STAU2: variants seen among roughly 807,000 people sequenced by gnomAD.
STAU2 encodes double-stranded RNA-binding protein Staufen homolog 2.
STAU2 carries 20 observed loss-of-function variants against 65.9 expected under a neutral mutation model. That is an observed-to-expected ratio of 0.30 (90% CI 0.21 to 0.44). The LOEUF (loss-of-function observed/expected upper bound fraction) is 0.44, where lower values mean the gene tolerates loss of function less well. Among genes scored for constraint, STAU2 ranks in the 20% least tolerant of loss-of-function variants. The pLI is 1.00. For missense variants in STAU2, 558 were observed against 683.9 expected (o/e 0.82, Z 2.05); for synonymous variants, 232 against 233.9 (o/e 0.99, Z 0.07).
intron 4 of STAU2, among the ~76,000 whole-genome samples, chr8:73,702,641 A>G (rs1820195615): frequency 2.6e-5 from 4 of 152,200 alleles, no homozygotes; most frequent in Non-Finnish European, 4.4e-5. Flanking sequence ...CATCAAGAAG[A>G]TAAAACAATT....
At chr8:73,741,523 T>C (rs1258610371) in intron 1 of STAU2, among the ~76,000 whole-genome samples, 6 of 151,650 alleles carry the variant, frequency 4.0e-5, no homozygotes, top group Non-Finnish European at 8.8e-5. Context: ...TTTTTTTTCT[T>C]TTTTTTTGAG....
At chr8:73,654,663 A>AAAAAAAAAAAAAAAAAAAC (rs1280392351) in intron 6 of STAU2, among the ~76,000 whole-genome samples, 1 of 135,562 alleles carries the variant, frequency 7.4e-6, no homozygotes, top group African/African-American at 2.6e-5. Context: ...AAAAAAAAAG[A>AAAAAAAAAAAAAAAAAAAC]ACTCTTTTAA....
chr8:73,714,276 A>G (rs1821097358), intron 3 of STAU2, among the ~76,000 whole-genome samples: 1 of 152,152 alleles, frequency 6.6e-6, no homozygotes, highest in South Asian at 2.1e-4. Context: ...ACTCATCCTA[A>G]TTCCCAAGTA....
chr8:73,624,046 A>T (rs1045338997), intron 6 of STAU2, among the ~76,000 whole-genome samples: 9 of 152,188 alleles, frequency 5.9e-5, no homozygotes, highest in Non-Finnish European at 1.2e-4. Context: ...ACTAAAAGCT[A>T]GGATAGGGTG....
At chr8:73,538,645 G>GT (rs1207568399) in intron 13 of STAU2, among the ~76,000 whole-genome samples, 1 of 59,030 alleles carries the variant, frequency 1.7e-5, no homozygotes, top group African/African-American at 3.8e-5. Context: ...AAAAAGAAGA[G>GT]TAAAAGCTTT....
chr8:73,486,937 G>A (rs1483277915), intron 13 of STAU2, among the ~76,000 whole-genome samples: 1 of 152,042 alleles, frequency 6.6e-6, no homozygotes, highest in Non-Finnish European at 1.5e-5. Context: ...ACAGGCACAA[G>A]CCACTGTGCC....
At chr8:73,549,539 T>C (rs953391646) in intron 13 of STAU2, 29 of 766,614 alleles carry the variant, frequency 3.8e-5, no homozygotes, top group African/African-American at 2.1e-4. Context: ...AAGTAGCTTT[T>C]TGTAATTTAT....
At chr8:73,525,495 T>C (rs538344947) in intron 13 of STAU2, among the ~76,000 whole-genome samples, 1 of 152,294 alleles carries the variant, frequency 6.6e-6, no homozygotes, top group South Asian at 2.1e-4. Flanking sequence ...TTGAGTACCT[T>C]GGCATAGGAA....
intron 6 of STAU2, among the ~76,000 whole-genome samples, chr8:73,623,205 A>G (rs1030752877): frequency 1.3e-5 from 2 of 152,158 alleles, no homozygotes; most frequent in African/African-American, 4.8e-5. Flanking sequence ...CAACCTCCCT[A>G]AAGTTACTTC....
chr8:73,426,482 A>G (rs1816833545), intron 13 of STAU2, among the ~76,000 whole-genome samples: 1 of 151,684 alleles, frequency 6.6e-6, no homozygotes, highest in Non-Finnish European at 1.5e-5. Flanking sequence ...ACCCTTCCCA[A>G]CCTCTAATAT....
intron 3 of STAU2, among the ~76,000 whole-genome samples, chr8:73,725,760 C>T (rs767886213): frequency 6.6e-6 from 1 of 152,148 alleles, no homozygotes; most frequent in Non-Finnish European, 1.5e-5. Context: ...TGGCAAAACA[C>T]CTTCTCAACA....
chr8:73,729,874 T>C (rs900276904), intron 3 of STAU2, among the ~76,000 whole-genome samples: 3 of 152,204 alleles, frequency 2.0e-5, no homozygotes, highest in Non-Finnish European at 4.4e-5. Flanking sequence ...AGGTCAGTAG[T>C]AATGTCCCCA....
chr8:73,674,474 A>G (rs1817898180), intron 5 of STAU2, among the ~76,000 whole-genome samples: 1 of 151,930 alleles, frequency 6.6e-6, no homozygotes. Context: ...ATAAAAATGG[A>G]GACAAAGTAA....
chr8:73,543,046 G>A (rs1428858680), intron 13 of STAU2, among the ~76,000 whole-genome samples: 1 of 152,190 alleles, frequency 6.6e-6, no homozygotes, highest in African/African-American at 2.4e-5. Context: ...CCATCAACAG[G>A]CAAACTGAAA....
intron 11 of STAU2, among the ~76,000 whole-genome samples, 167 bp from the exon 12 acceptor site, chr8:73,582,997 G>A (rs537961151): frequency 2.0e-5 from 3 of 152,176 alleles, no homozygotes; most frequent in Admixed American, 2.0e-4. Flanking sequence ...CTAACATGAA[G>A]GGTATCATTT....
intron 4 of STAU2, among the ~76,000 whole-genome samples, chr8:73,698,878 C>G (rs1819871439): frequency 6.8e-6 from 1 of 146,286 alleles, no homozygotes; most frequent in Non-Finnish European, 1.5e-5. Flanking sequence ...ATGGATCATT[C>G]TCAAGGATAA....
intron 13 of STAU2, among the ~76,000 whole-genome samples, chr8:73,441,947 AAC>A (rs1179104624): frequency 6.6e-6 from 1 of 152,200 alleles, no homozygotes; most frequent in Non-Finnish European, 1.5e-5. Context: ...TTTTTAAACT[AAC>A]ACAAATGCAA....
intron 5 of STAU2, among the ~76,000 whole-genome samples, chr8:73,673,667 A>C (rs1299924794): frequency 6.6e-6 from 1 of 152,166 alleles, no homozygotes; most frequent in African/African-American, 2.4e-5. Flanking sequence ...TTGGCAAGAA[A>C]GTCATCAGTG....
intron 10 of STAU2, among the ~76,000 whole-genome samples, chr8:73,601,787 G>T (rs575411040): frequency 6.6e-6 from 1 of 152,218 alleles, no homozygotes; most frequent in South Asian, 2.1e-4. Flanking sequence ...TTCAAAAGGG[G>T]TACTCAATAT....
Sources: allele counts gnomAD v4.1 joint callset (sites outside exome capture counted in the v4.1 genomes callset), GRCh38; gene constraint gnomAD v4.1.1; transcripts MANE v1.5; gene names NCBI Gene and HGNC (gene_info 2026-07-23, HGNC 2026-07-21).